Variants in C1orf21 observed in about 807,000 individuals in gnomAD.
C1orf21 encodes the protein uncharacterized protein C1orf21.
Under a neutral mutation model 18.7 loss-of-function variants are expected in C1orf21, and 3 were observed. The ratio of observed to expected loss-of-function variants is 0.16; its 90% CI spans 0.07 to 0.42. The LOEUF is 0.42. Among genes scored for constraint, C1orf21 ranks in the 10% least tolerant of loss-of-function variants. The pLI, the probability that C1orf21 is intolerant of heterozygous loss-of-function variation, is 0.99. For missense variants in C1orf21, 104 were observed against 143.6 expected (o/e 0.72, Z 1.41); for synonymous variants, 41 against 46.4 (o/e 0.88, Z 0.47).
chr1:184,414,427 C>T (rs1018874212), intron 1 of C1orf21, among the ~76,000 whole-genome samples: 2 of 152,072 alleles, frequency 1.3e-5, no homozygotes, highest in African/African-American at 2.4e-5. Flanking sequence ...TATGCTCGGC[C>T]GGATTTGATT....
rs539380179 is a variant in C1orf21, at chr1:184,490,930, A to G, written c.94+13327A>G. ...TCCCTTTTTCTAAAGAAGTTTTGTG[A>G]AAAAAAAAAAGCATTTTATAACTAT... On this transcript the variant is annotated intron_variant, in intron 2 of 5. Coordinates refer to ENST00000235307, the MANE Select transcript of C1orf21 (RefSeq NM_030806.4). 2.8e-3 allele frequency among the ~76,000 whole-genome samples: 395 copies of G among 142,808 alleles called. 2 individuals carry two copies. The highest frequency in any genetic ancestry group is 4.5e-3 in the Non-Finnish European group (292 of 64,536). The allele number at this position is 142,808 out of a possible 152,430, so 93.7% of individuals were successfully genotyped here.
intron 1 of C1orf21, among the ~76,000 whole-genome samples, chr1:184,475,454 C>T (rs571530315): frequency 3.9e-5 from 6 of 152,126 alleles, no homozygotes; most frequent in Non-Finnish European, 8.8e-5. Flanking sequence ...TGCTACCATC[C>T]TTTCAGCCTG....
At chr1:184,486,382 C>A (rs1657733011) in intron 2 of C1orf21, among the ~76,000 whole-genome samples, 1 of 152,132 alleles carries the variant, frequency 6.6e-6, no homozygotes, top group Admixed American at 6.5e-5. Flanking sequence ...GCATTTGTTT[C>A]CAAATCTATA....
chr1:184,477,025 G>A (rs902578487), intron 1 of C1orf21, among the ~76,000 whole-genome samples: 2 of 152,092 alleles, frequency 1.3e-5, no homozygotes, highest in African/African-American at 4.8e-5. Flanking sequence ...CTCCTTCCTC[G>A]ACAGTTTTTG....
intron 1 of C1orf21, among the ~76,000 whole-genome samples, chr1:184,449,471 C>G (rs993355065): frequency 4.6e-5 from 7 of 152,034 alleles, no homozygotes; most frequent in Admixed American, 4.6e-4. Context: ...TGGGTTGGTT[C>G]CAAGTCTTTG....
intron 3 of C1orf21, among the ~76,000 whole-genome samples, chr1:184,515,930 A>G (rs1406534777): frequency 6.6e-6 from 1 of 152,170 alleles, no homozygotes; most frequent in Non-Finnish European, 1.5e-5. Context: ...CTCCTGCCTC[A>G]GCCTCCTGAG....
intron 3 of C1orf21, among the ~76,000 whole-genome samples, chr1:184,517,544 A>G (rs1175699737): frequency 1.0e-5 from 1 of 95,658 alleles, no homozygotes; most frequent in East Asian, 2.7e-4. Flanking sequence ...AGAAACCAAC[A>G]AGAGTGAAAT....
At chr1:184,562,523 A>G (rs1382423426) in intron 3 of C1orf21, among the ~76,000 whole-genome samples, 1 of 152,216 alleles carries the variant, frequency 6.6e-6, no homozygotes, top group African/African-American at 2.4e-5. Context: ...GTGTAAAGAC[A>G]TTGCCTCCTA....
At chr1:184,594,962 C>T (rs575590563) in intron 4 of C1orf21, among the ~76,000 whole-genome samples, 5 of 152,162 alleles carry the variant, frequency 3.3e-5, no homozygotes, top group Non-Finnish European at 7.4e-5. Flanking sequence ...AATTTGTTTA[C>T]TTTGCATTAA....
chr1:184,472,073 G>A (rs544288243), intron 1 of C1orf21, among the ~76,000 whole-genome samples: 1 of 152,102 alleles, frequency 6.6e-6, no homozygotes, highest in East Asian at 1.9e-4. Flanking sequence ...GTGGGCTGCT[G>A]TATTAACACT....
At chr1:184,608,627 G>A (rs956880994) in intron 5 of C1orf21, among the ~76,000 whole-genome samples, 3 of 152,184 alleles carry the variant, frequency 2.0e-5, no homozygotes, top group Admixed American at 1.3e-4. Flanking sequence ...CAGTAAGCCG[G>A]ATAGTACCCA....
intron 1 of C1orf21, among the ~76,000 whole-genome samples, chr1:184,432,680 GA>G (rs1007147787): frequency 6.6e-6 from 1 of 150,824 alleles, no homozygotes; most frequent in Non-Finnish European, 1.5e-5. Context: ...AAAAAGAAAA[GA>G]AAAAAAAATC....
At chr1:184,452,988 G>A (rs1234804103) in intron 1 of C1orf21, among the ~76,000 whole-genome samples, 1 of 152,154 alleles carries the variant, frequency 6.6e-6, no homozygotes, top group East Asian at 1.9e-4. Context: ...TTCATTGAAA[G>A]GATTGATGTG....
intron 5 of C1orf21, among the ~76,000 whole-genome samples, chr1:184,606,330 CTT>C (rs1659646262): frequency 6.6e-6 from 1 of 152,164 alleles, no homozygotes; most frequent in Admixed American, 6.5e-5. Context: ...AATCCCAACA[CTT>C]TGAGAGGCTG....
chr1:184,541,066 G>T (rs1267475536), intron 3 of C1orf21, among the ~76,000 whole-genome samples: 4 of 152,154 alleles, frequency 2.6e-5, no homozygotes, highest in Non-Finnish European at 4.4e-5. Flanking sequence ...AGGAAACTGA[G>T]ATATAGAGAA....
At chr1:184,407,320 G>A (rs746498609) in intron 1 of C1orf21, among the ~76,000 whole-genome samples, 17 of 151,998 alleles carry the variant, frequency 1.1e-4, no homozygotes, top group Admixed American at 3.3e-4. Context: ...CTTTAATGTG[G>A]AACTAACTGT....
intron 5 of C1orf21, among the ~76,000 whole-genome samples, chr1:184,616,226 G>A (rs1429506835): frequency 6.6e-6 from 1 of 152,220 alleles, no homozygotes; most frequent in Non-Finnish European, 1.5e-5. Context: ...GCTTCTCAGT[G>A]CTGCTGAAAC....
At chr1:184,613,085 G>A (rs1020095172) in intron 5 of C1orf21, among the ~76,000 whole-genome samples, 1 of 152,252 alleles carries the variant, frequency 6.6e-6, no homozygotes, top group East Asian at 1.9e-4. Flanking sequence ...GAGTAGCTGG[G>A]ATTACAGGCG....
intron 2 of C1orf21, among the ~76,000 whole-genome samples, chr1:184,498,320 A>T (rs1050247593): frequency 5.3e-5 from 8 of 152,252 alleles, no homozygotes; most frequent in East Asian, 1.9e-4. Context: ...ATTAAGTCAG[A>T]TGCGCATAAA....
Sources: allele counts gnomAD v4.1 joint callset (sites outside exome capture counted in the v4.1 genomes callset), GRCh38; gene constraint gnomAD v4.1.1; transcripts MANE v1.5; gene names NCBI Gene and HGNC (gene_info 2026-07-23, HGNC 2026-07-21).